The following RCOR1 variants were observed in gnomAD, a reference collection of about 807,000 sequenced individuals.
RCOR1 encodes REST corepressor.
In RCOR1, 12 loss-of-function variants were observed where a neutral mutation model predicts 64.0. The observed-to-expected ratio is 0.19, with a 90% CI of 0.12 to 0.30. RCOR1 has a LOEUF of 0.30. RCOR1 is among the 10% of genes least tolerant of loss of function. RCOR1 has a pLI of 1.00. For synonymous variants in RCOR1, 279 were observed against 227.2 expected (o/e 1.23, Z -2.05); for missense variants, 502 against 621.2 (o/e 0.81, Z 2.04).
intron 2 of RCOR1, among the ~76,000 whole-genome samples, chr14:102,598,701 G>A (rs938807842): frequency 2.6e-5 from 4 of 152,036 alleles, no homozygotes; most frequent in Admixed American, 2.0e-4. Flanking sequence ...GCCCGCCTCG[G>A]CCTCCCAGAG....
chr14:102,676,582 G>A (rs1226385076), intron 2 of RCOR1, among the ~76,000 whole-genome samples: 68 of 77,680 alleles, frequency 8.8e-4, no homozygotes, highest in South Asian at 2.7e-3. Context: ...AGGGGCGGCC[G>A]GGCAGAGGCG....
intron 2 of RCOR1, among the ~76,000 whole-genome samples, chr14:102,623,548 A>G (rs1434971427): frequency 6.6e-6 from 1 of 151,504 alleles, no homozygotes; most frequent in Non-Finnish European, 1.5e-5. Flanking sequence ...AGCTGGGATT[A>G]TAGGCGCCCA....
chr14:102,721,648 A>C (rs983450951), intron 10 of RCOR1: 22 of 297,298 alleles, frequency 7.4e-5, no homozygotes, highest in Non-Finnish European at 1.8e-5. Context: ...CCCAGCACCT[A>C]GATTCTTGGA....
At chr14:102,628,145 C>G (rs1010968403) in intron 2 of RCOR1, among the ~76,000 whole-genome samples, 11 of 152,094 alleles carry the variant, frequency 7.2e-5, no homozygotes, top group African/African-American at 2.7e-4. Context: ...CAGAGGAGTT[C>G]CCTCTTAAAC....
At chr14:102,598,777 C>A (rs1395215452) in intron 2 of RCOR1, among the ~76,000 whole-genome samples, 1 of 152,006 alleles carries the variant, frequency 6.6e-6, no homozygotes, top group African/African-American at 2.4e-5. Context: ...ATAATTAATA[C>A]CTAGATTAGA....
chr14:102,604,618 C>T (rs1032973526), intron 2 of RCOR1, among the ~76,000 whole-genome samples: 2 of 152,094 alleles, frequency 1.3e-5, no homozygotes, highest in East Asian at 1.9e-4. Context: ...TAATCCAGTC[C>T]GAGAGGCCCT....
intron 2 of RCOR1, among the ~76,000 whole-genome samples, chr14:102,681,395 T>A (rs1371315531): frequency 1.3e-5 from 2 of 152,208 alleles, no homozygotes; most frequent in African/African-American, 4.8e-5. Context: ...CTGGCACTTT[T>A]AAACCTTTTG....
intron 2 of RCOR1, among the ~76,000 whole-genome samples, chr14:102,613,496 G>A (rs1459851797): frequency 4.9e-4 from 70 of 143,672 alleles, no homozygotes; most frequent in African/African-American, 1.6e-3. Flanking sequence ...GCTGTGGCGC[G>A]ATCTCTGCTC....
chr14:102,667,593 C>A (rs1894940819), intron 2 of RCOR1, among the ~76,000 whole-genome samples: 1 of 151,940 alleles, frequency 6.6e-6, no homozygotes, highest in African/African-American at 2.4e-5. Flanking sequence ...TCTGGGGAGA[C>A]CGAATTTAGC....
intron 11 of RCOR1, 90 bp from the exon 12 acceptor site, chr14:102,726,378 A>T: frequency 8.5e-7 from 1 of 1,170,012 alleles, no homozygotes; most frequent in Non-Finnish European, 1.2e-6. Context: ...TTTGCTGGCT[A>T]CCTTCTCTTT....
intron 2 of RCOR1, among the ~76,000 whole-genome samples, chr14:102,676,313 G>A (rs1328503849): frequency 1.4e-5 from 2 of 145,472 alleles, no homozygotes; most frequent in South Asian, 4.3e-4. Flanking sequence ...CTCACCTCCC[G>A]GATGGGGCGG....
At chr14:102,663,988 CAG>C (rs1339560207) in intron 2 of RCOR1, among the ~76,000 whole-genome samples, 1 of 152,136 alleles carries the variant, frequency 6.6e-6, no homozygotes, top group Non-Finnish European at 1.5e-5. Flanking sequence ...GTTTCTAGTG[CAG>C]AGTTGACTTC....
At chr14:102,695,149 C>A (rs1332532698) in intron 3 of RCOR1, among the ~76,000 whole-genome samples, 1 of 152,148 alleles carries the variant, frequency 6.6e-6, no homozygotes, top group Non-Finnish European at 1.5e-5. Flanking sequence ...TTGAGACTTA[C>A]TGAGGGTACT....
chr14:102,657,944 A>T, intron 2 of RCOR1: 3 of 980,400 alleles, frequency 3.1e-6, no homozygotes, highest in Non-Finnish European at 3.6e-6. Context: ...TTTCTTTATG[A>T]GGGGTGTTCT....
chr14:102,668,222 G>C (rs1894956059), intron 2 of RCOR1, among the ~76,000 whole-genome samples: 1 of 152,200 alleles, frequency 6.6e-6, no homozygotes, highest in African/African-American at 2.4e-5. Context: ...CCAAAGGACA[G>C]AACACACTAT....
intron 2 of RCOR1, among the ~76,000 whole-genome samples, chr14:102,674,119 C>A (rs1209314493): frequency 6.6e-6 from 1 of 152,148 alleles, no homozygotes; most frequent in African/African-American, 2.4e-5. Flanking sequence ...AGTCTGAAAT[C>A]TGTGCAGGCC....
chr14:102,659,965 GATAA>G (rs1302678614), intron 2 of RCOR1, among the ~76,000 whole-genome samples: 2 of 152,168 alleles, frequency 1.3e-5, no homozygotes, highest in African/African-American at 4.8e-5. Context: ...TTCGTAATAA[GATAA>G]ATAATCTGGT....
chr14:102,601,295 G>A (rs1293097074), intron 2 of RCOR1, among the ~76,000 whole-genome samples: 1 of 152,162 alleles, frequency 6.6e-6, no homozygotes, highest in Non-Finnish European at 1.5e-5. Flanking sequence ...TTACAGGCTT[G>A]AGCCACCGCA....
At chr14:102,632,485 G>A (rs1175617028) in intron 2 of RCOR1, among the ~76,000 whole-genome samples, 2 of 151,944 alleles carry the variant, frequency 1.3e-5, no homozygotes, top group East Asian at 1.9e-4. Flanking sequence ...GATTACAAGC[G>A]CGAGCCACCG....
Sources: allele counts gnomAD v4.1 joint callset (sites outside exome capture counted in the v4.1 genomes callset), GRCh38; gene constraint gnomAD v4.1.1; transcripts MANE v1.5; gene names NCBI Gene and HGNC (gene_info 2026-07-23, HGNC 2026-07-21).